Variants in TRPC4 observed in about 807,000 individuals in gnomAD.
TRPC4 encodes the protein transient receptor potential cation channel subfamily C member 4.
A neutral mutation model predicts 99.4 loss-of-function variants in TRPC4; 49 were observed. The observed-to-expected ratio is 0.49, with a 90% confidence interval of 0.39 to 0.63. The LOEUF (loss-of-function observed/expected upper bound fraction) is 0.63. TRPC4 is among the 20% of genes least tolerant of loss of function. The pLI, the probability that TRPC4 is intolerant of heterozygous loss-of-function variation, is 0.00. For missense variants in TRPC4, 898 were observed against 1,152.9 expected (o/e 0.78, Z 3.20); for synonymous variants, 454 against 425.9 (o/e 1.07, Z -0.81).
At chr13:37,722,432 T>G (rs752297087) in intron 3 of TRPC4, among the ~76,000 whole-genome samples, 1 of 152,232 alleles carries the variant, frequency 6.6e-6, no homozygotes, top group Non-Finnish European at 1.5e-5. Context: ...AAATTTCTTG[T>G]GCTCACTGAC....
chr13:37,638,227 T>TA (rs57015970), intron 10 of TRPC4, among the ~76,000 whole-genome samples: 116,063 of 151,754 alleles, frequency 0.76, 44,697 homozygotes, highest in East Asian at 0.93. Context: ...GATGGCAACC[T>TA]TCTTGGTGGC....
chr13:37,637,747 A>G (rs1951581429), intron 10 of TRPC4, 122 bp from the exon 11 acceptor site: 1 of 946,356 alleles, frequency 1.1e-6, no homozygotes, highest in Admixed American at 3.3e-5. Context: ...ATTCTACTCT[A>G]CTGTGGTTCT....
intron 1 of TRPC4, among the ~76,000 whole-genome samples, chr13:37,851,315 C>T (rs1959049183): frequency 6.6e-6 from 1 of 152,162 alleles, no homozygotes; most frequent in Admixed American, 6.5e-5. Flanking sequence ...TCTTGATACA[C>T]ATTTTTCACT....
At chr13:37,833,344 T>G (rs1958472802) in intron 1 of TRPC4, among the ~76,000 whole-genome samples, 1 of 152,218 alleles carries the variant, frequency 6.6e-6, no homozygotes, top group Non-Finnish European at 1.5e-5. Flanking sequence ...AAAAGAAGTT[T>G]TGCTTGGACA....
intron 2 of TRPC4, among the ~76,000 whole-genome samples, chr13:37,750,405 AC>A (rs1368641897): frequency 6.6e-6 from 1 of 152,108 alleles, no homozygotes; most frequent in African/African-American, 2.4e-5. Context: ...CACTGCAATT[AC>A]GTTGGTTTTA....
intron 1 of TRPC4, among the ~76,000 whole-genome samples, chr13:37,822,608 T>A (rs1958049210): frequency 1.3e-5 from 2 of 151,726 alleles, no homozygotes; most frequent in Non-Finnish European, 2.9e-5. Context: ...ACTCATCATT[T>A]TTTATGGCTG....
intron 1 of TRPC4, among the ~76,000 whole-genome samples, chr13:37,801,820 A>G (rs1011468566): frequency 6.6e-6 from 1 of 152,080 alleles, no homozygotes; most frequent in African/African-American, 2.4e-5. Context: ...GATAGGTAAC[A>G]TTTGAGCTGG....
intron 5 of TRPC4, among the ~76,000 whole-genome samples, chr13:37,665,873 G>A (rs889749837): frequency 9.3e-5 from 14 of 150,358 alleles, no homozygotes; most frequent in African/African-American, 3.4e-4. Context: ...ATACATAAGA[G>A]GAAGGTTTTC....
intron 4 of TRPC4, among the ~76,000 whole-genome samples, chr13:37,684,429 A>G (rs574468478): frequency 7.2e-5 from 11 of 152,212 alleles, no homozygotes; most frequent in Middle Eastern, 3.4e-3. Context: ...AGAACTTTAG[A>G]ATTCCAGATC....
At chr13:37,655,642 TG>T (rs1566072397) in intron 6 of TRPC4, among the ~76,000 whole-genome samples, 1 of 152,040 alleles carries the variant, frequency 6.6e-6, no homozygotes, top group Non-Finnish European at 1.5e-5. Flanking sequence ...TTTTATGACA[TG>T]AAAATTATGT....
At chr13:37,863,026 C>T (rs1054883467) in intron 1 of TRPC4, among the ~76,000 whole-genome samples, 2 of 151,564 alleles carry the variant, frequency 1.3e-5, no homozygotes, top group African/African-American at 4.8e-5. Flanking sequence ...GTATTCACTA[C>T]AGTAGCATGC....
intron 2 of TRPC4, among the ~76,000 whole-genome samples, chr13:37,764,114 C>A (rs1016416307): frequency 2.6e-5 from 4 of 151,506 alleles, no homozygotes; most frequent in Admixed American, 6.6e-5. Flanking sequence ...TAAAAAGAAG[C>A]AACAGCTGAG....
intron 2 of TRPC4, among the ~76,000 whole-genome samples, chr13:37,775,023 T>C (rs971764818): frequency 1.7e-5 from 2 of 117,996 alleles, no homozygotes; most frequent in African/African-American, 3.3e-5. Context: ...CTATTAACTT[T>C]AGATTTAATC....
rs1453093098 is a variant in TRPC4, at chr13:37,768,111, G to A, written c.378+14845C>T. Reference sequence around the variant, plus strand: ...CATAAAGAAGAATTAACAAATTAAGGTAAATGAGGATAATAATGTGAACTA... The same window carrying A: ...CATAAAGAAGAATTAACAAATTAAGATAAATGAGGATAATAATGTGAACTA... On this transcript the variant is annotated intron_variant, in intron 2 of 10. Transcript: ENST00000379705. Among the ~76,000 whole-genome samples the A allele has an allele frequency of 3.3e-5, 5 of 151,466 alleles. No individual in the cohort carries two copies. In the East Asian group the frequency reaches 9.7e-4, roughly 30 times the overall value.
At chr13:37,825,766 A>G (rs1187318162) in intron 1 of TRPC4, among the ~76,000 whole-genome samples, 1 of 150,982 alleles carries the variant, frequency 6.6e-6, no homozygotes, top group Non-Finnish European at 1.5e-5. Context: ...TGGGGTGGAG[A>G]GTTCTGTAGA....
At chr13:37,789,313 A>G (rs9548050) in intron 1 of TRPC4, among the ~76,000 whole-genome samples, 50,927 of 151,982 alleles carry the variant, frequency 0.34, 9,518 homozygotes, top group South Asian at 0.47. Flanking sequence ...TCCCTTGGGC[A>G]CTTAGCAACT....
Position 37,779,722 on chromosome 13 carries a change from T to TAA in TRPC4, c.378+3233_378+3234insTT, listed in dbSNP as rs1374636102. ...AGACCCCATTCTTAAATCCAACATT[T>TAA]CTAACTAACTCCTAGGTATTAATAC... On this transcript the variant is annotated intron_variant, in intron 2 of 10. Transcript: ENST00000379705. Among the ~76,000 whole-genome samples, 827 of 152,150 alleles carry TAA rather than the reference T, an allele frequency of 5.4e-3. 8 individuals are homozygous for TAA. Among genetic ancestry groups the TAA allele is most frequent in the African/African-American group, 0.019 (792 of 41,524 alleles).
chr13:37,691,253 C>T (rs534086816), intron 4 of TRPC4, among the ~76,000 whole-genome samples: 1 of 152,130 alleles, frequency 6.6e-6, no homozygotes, highest in Non-Finnish European at 1.5e-5. Context: ...AGGCGCCCGC[C>T]ACCACGCCCG....
Position 37,634,241 on chromosome 13 carries a change from A to C in TRPC4, c.*2662T>G, listed in dbSNP as rs192327644. Among the ~76,000 whole-genome samples, 1 of 152,216 alleles carries C rather than the reference A, an allele frequency of 6.6e-6. No homozygotes were observed. The highest frequency in any genetic ancestry group is 1.9e-4 in the East Asian group (1 of 5,178). Reference sequence around the variant, plus strand: ...ACGCACTTACAAACCTCAAAGAAACAGTATTTCTTTGCTTGCTATCCTGCT... The same window carrying C: ...ACGCACTTACAAACCTCAAAGAAACCGTATTTCTTTGCTTGCTATCCTGCT... On this transcript the variant is annotated 3_prime_UTR_variant, in exon 11 of 11. Coordinates refer to ENST00000379705, the MANE Select transcript of TRPC4 (RefSeq NM_016179.4).
Sources: allele counts gnomAD v4.1 joint callset (sites outside exome capture counted in the v4.1 genomes callset), GRCh38; gene constraint gnomAD v4.1.1; transcripts MANE v1.5; gene names NCBI Gene and HGNC (gene_info 2026-07-23, HGNC 2026-07-21).